The following ABCA13 variants were observed in gnomAD, a reference collection of about 807,000 sequenced individuals.
ABCA13 encodes the protein ATP-binding cassette sub-family A member 13.
ABCA13 carries 476 observed loss-of-function variants against 478.7 expected under a neutral mutation model. The ratio of observed to expected loss-of-function variants is 0.99; its 90% confidence interval spans 0.92 to 1.07. ABCA13 has a LOEUF of 1.07. ABCA13 is among the 50% of genes least tolerant of loss of function. The pLI, the probability that ABCA13 is intolerant of heterozygous loss-of-function variation, is 0.00. For missense variants in ABCA13, 6,060 were observed against 5,910.6 expected (o/e 1.03, Z -0.83); for synonymous variants, 2,252 against 2,158.9 (o/e 1.04, Z -1.20).
rs372260479 is a variant in ABCA13 at position 48,392,029 on chromosome 7, G to A, written c.11763G>A (p.Pro3921=). ...TCAGAATGGAGCTTGGTGTGTGTCC[G>A]CAGCAGGACATCCTGTTGGACAACC... ...SRVRMELGVC[P]QQDILLDNLT... The change falls in exon 38 of 62, where the codon CCG becomes CCA. Residue 3921 remains proline, a synonymous_variant. Transcript: ENST00000435803. The A allele has an allele frequency of 1.0e-4, 169 of 1,613,828 alleles. No individual in the cohort carries two copies. The African/African-American group carries it at 1.8e-3, about 17-fold the overall frequency.
chr7:48,274,184 C>T lies in ABCA13; in HGVS notation c.4518C>T (p.Asn1506=). The stretch of plus-strand genomic sequence containing the variant: ...AGCAAGTAAGGATGAGTATCAACAA[C>T]TTAACAACAGACTTTGATTTTGCAT... ...STKQVRMSIN[N]LTTDFDFASQ... The change falls in exon 17 of 62, where the codon AAC becomes AAT. Residue 1506 remains asparagine, a synonymous_variant. Transcript: ENST00000435803. 6.2e-7 allele frequency: 1 copy of T among 1,611,968 alleles called. No homozygotes were observed. The highest frequency in any genetic ancestry group is 1.1e-5 in the South Asian group (1 of 90,936).
rs1799381975 is a variant in ABCA13 at position 48,296,462 on chromosome 7, C to CT, written c.9119+600dup. 2.0e-5 allele frequency among the ~76,000 whole-genome samples: 3 copies of CT among 146,540 alleles called. No individual in the cohort carries two copies. The South Asian group carries it at 6.7e-4, about 33-fold the overall frequency. Reference sequence around the variant, plus strand: ...ACAGCAAATATTTTTCTTTTCTTTTCTCTTTTTTTTTTTTTGAGATGGAGT... The same window carrying CT: ...ACAGCAAATATTTTTCTTTTCTTTTCTTCTTTTTTTTTTTTTGAGATGGAGT... On this transcript the variant is annotated intron_variant, in intron 21 of 61. Coordinates refer to ENST00000435803, the MANE Select transcript of ABCA13 (RefSeq NM_152701.5).
intron 9 of ABCA13, among the ~76,000 whole-genome samples, chr7:48,240,307 A>G (rs1790628355): frequency 6.6e-6 from 1 of 152,210 alleles, no homozygotes; most frequent in South Asian, 2.1e-4. Flanking sequence ...TATCTGGGTA[A>G]CATAACTCAT....
intron 1 of ABCA13, among the ~76,000 whole-genome samples, chr7:48,180,440 G>A (rs189775532): frequency 2.0e-5 from 3 of 152,128 alleles, no homozygotes; most frequent in Non-Finnish European, 4.4e-5. Context: ...TTTTTTTTGA[G>A]ATGGAGTTTT....
intron 13 of ABCA13, among the ~76,000 whole-genome samples, chr7:48,246,259 A>G (rs913268275): frequency 1.3e-5 from 2 of 152,116 alleles, no homozygotes; most frequent in Admixed American, 6.5e-5. Context: ...AAATTCCTCA[A>G]ACTTTCAAAA....
rs1226416122 is a variant in ABCA13 at position 48,273,821 on chromosome 7, G to A, written c.4155G>A (p.Glu1385=). The A allele has an allele frequency of 6.2e-7, 1 of 1,611,846 alleles. No individual in the cohort carries two copies. ...CGTTAAATTCCACATTTTCCTCTGAGAACACAATTAGCAGTCTGAAAGGAT... is the reference window on the plus strand; with the variant it reads ...CGTTAAATTCCACATTTTCCTCTGAAAACACAATTAGCAGTCTGAAAGGAT... The part of the protein sequence containing the change: ...LDTLNSTFSS[E]NTISSLKGCI... Residue 1385 remains glutamate (E), a synonymous_variant, in exon 17 of 62, where the codon GAG becomes GAA. Transcript: ENST00000435803.
chr7:48,277,328 A>T (rs1189654864), intron 17 of ABCA13, among the ~76,000 whole-genome samples: 1 of 152,216 alleles, frequency 6.6e-6, no homozygotes, highest in Non-Finnish European at 1.5e-5. Context: ...AGGGGAAGGG[A>T]GAGCCACTGA....
At chr7:48,614,577 C>T (rs1792359358) in intron 58 of ABCA13, among the ~76,000 whole-genome samples, 3 of 150,958 alleles carry the variant, frequency 2.0e-5, no homozygotes, top group African/African-American at 7.3e-5. Flanking sequence ...TATAAAGACA[C>T]ATGCACACGT....
At chr7:48,593,890 C>G (rs73324231) in intron 57 of ABCA13, among the ~76,000 whole-genome samples, 2 of 151,876 alleles carry the variant, frequency 1.3e-5, no homozygotes, top group African/African-American at 4.8e-5. Context: ...CCACTCTTTC[C>G]CAGTCCTGAA....
chr7:48,228,621 C>A (rs148250649), intron 6 of ABCA13, among the ~76,000 whole-genome samples: 1 of 152,146 alleles, frequency 6.6e-6, no homozygotes. Flanking sequence ...GGGCCAGGGA[C>A]AGGTGCTCCC....
intron 46 of ABCA13, among the ~76,000 whole-genome samples, chr7:48,482,516 T>A (rs554367900): frequency 6.6e-6 from 1 of 152,128 alleles, no homozygotes; most frequent in Admixed American, 6.5e-5. Flanking sequence ...TAGCTGGGAT[T>A]ACAGGTGCCT....
At position 48,273,093 on chromosome 7, in the gene ABCA13, T is replaced by G; in HGVS notation, c.3427T>G (p.Ser1143Ala). 6.2e-7 allele frequency: 1 copy of G among 1,613,712 alleles called. No homozygotes were observed. Among genetic ancestry groups the G allele is most frequent in the Non-Finnish European group, 8.5e-7 (1 of 1,179,762 alleles). Residue 1143 changes from serine (S) to alanine (A), a missense_variant, in exon 17 of 62, where the codon TCC (serine) becomes GCC (alanine). Ser to Ala is a moderately conservative substitution (Grantham distance 99, BLOSUM62 1). Coordinates refer to ENST00000435803, the MANE Select transcript of ABCA13 (RefSeq NM_152701.5). Reference protein sequence around the residue: ...ANVSVFNKFMSIHCTVSWLQM... With the variant: ...ANVSVFNKFMAIHCTVSWLQM... ...TGTCAGTGTGTTCAACAAGTTTATGTCCATTCACTGTACCGTTTCATGGCT... is the reference window on the plus strand; with the variant it reads ...TGTCAGTGTGTTCAACAAGTTTATGGCCATTCACTGTACCGTTTCATGGCT...
intron 2 of ABCA13, among the ~76,000 whole-genome samples, chr7:48,194,860 A>AT (rs368274982): frequency 1 from 152,332 of 152,332 alleles, 76,166 homozygotes; most frequent in Non-Finnish European, 1. Context: ...CTACTTTATT[A>AT]TTATTATCAA....
At chr7:48,454,892 A>C (rs1825475115) in intron 42 of ABCA13, 145 bp from the exon 43 acceptor site, 3 of 1,168,104 alleles carry the variant, frequency 2.6e-6, no homozygotes. Context: ...TAAAGGGGAC[A>C]CTCAAGGGAG....
At chr7:48,422,692 A>G (rs1343963489) in intron 41 of ABCA13, among the ~76,000 whole-genome samples, 3 of 152,210 alleles carry the variant, frequency 2.0e-5, no homozygotes, top group Non-Finnish European at 4.4e-5. Flanking sequence ...GACAGGCTGG[A>G]TAATGGTCCC....
chr7:48,547,201 T>C (rs982669531), intron 55 of ABCA13, among the ~76,000 whole-genome samples: 2 of 151,890 alleles, frequency 1.3e-5, no homozygotes, highest in African/African-American at 4.8e-5. Flanking sequence ...TTTTTAAATT[T>C]ACATCATCAT....
intron 61 of ABCA13, 139 bp from the exon 62 acceptor site, chr7:48,645,278 G>T (rs562975441): frequency 6.8e-5 from 41 of 607,128 alleles, no homozygotes; most frequent in Non-Finnish European, 1.2e-4. Flanking sequence ...ATGTGATTTG[G>T]GAGGGAATGG....
At chr7:48,388,908 A>G in intron 36 of ABCA13, 132 bp from the exon 37 acceptor site, 1 of 1,029,230 alleles carries the variant, frequency 9.7e-7, no homozygotes, top group East Asian at 2.6e-5. Flanking sequence ...CTAAAGAAAG[A>G]TTTTTGAGTT....
chr7:48,518,252 A>C (rs913150513), intron 52 of ABCA13, among the ~76,000 whole-genome samples: 1 of 152,228 alleles, frequency 6.6e-6, no homozygotes, highest in African/African-American at 2.4e-5. Flanking sequence ...CTCTAGCATG[A>C]CATGAACCAT....
Sources: allele counts gnomAD v4.1 joint callset (sites outside exome capture counted in the v4.1 genomes callset), GRCh38; gene constraint gnomAD v4.1.1; transcripts MANE v1.5; gene names NCBI Gene and HGNC (gene_info 2026-07-23, HGNC 2026-07-21).